Variants in PPP1R9A observed in about 807,000 individuals in gnomAD.
PPP1R9A encodes neurabin-1.
PPP1R9A carries 59 observed loss-of-function variants against 141.9 expected under a neutral mutation model. The observed-to-expected ratio is 0.42, with a 90% CI of 0.34 to 0.52. PPP1R9A has a LOEUF of 0.52. PPP1R9A is among the 20% of genes least tolerant of loss of function. PPP1R9A has a pLI of 0.10. For synonymous variants in PPP1R9A, 500 were observed against 569.7 expected (o/e 0.88, Z 1.74); for missense variants, 1,444 against 1,611.9 (o/e 0.90, Z 1.78).
intron 9 of PPP1R9A, among the ~76,000 whole-genome samples, chr7:95,249,680 C>T (rs777266893): frequency 1.7e-4 from 26 of 152,012 alleles, no homozygotes; most frequent in Non-Finnish European, 2.9e-4. Context: ...TTTTTAAAAA[C>T]TCTCAAAACA....
chr7:95,268,484 G>A (rs1801641980), intron 12 of PPP1R9A, 66 bp from the exon 13 acceptor site: 2 of 1,565,060 alleles, frequency 1.3e-6, no homozygotes, highest in Admixed American at 1.7e-5. Flanking sequence ...TTTTATCAGT[G>A]TCTGTGGTCT....
intron 19 of PPP1R9A, among the ~76,000 whole-genome samples, chr7:95,289,612 C>T (rs977794551): frequency 4.6e-5 from 7 of 152,190 alleles, no homozygotes; most frequent in South Asian, 2.1e-4. Flanking sequence ...CATGCTGACA[C>T]GAGCATTCTG....
chr7:95,246,039 T>C (rs1293624539), intron 8 of PPP1R9A, among the ~76,000 whole-genome samples: 1 of 152,116 alleles, frequency 6.6e-6, no homozygotes, highest in Non-Finnish European at 1.5e-5. Flanking sequence ...ACCTCATGCC[T>C]TTTGCATAAC....
intron 2 of PPP1R9A, among the ~76,000 whole-genome samples, chr7:94,923,661 A>G (rs1793115636): frequency 2.0e-5 from 3 of 152,188 alleles, no homozygotes; most frequent in Admixed American, 6.5e-5. Flanking sequence ...TGGTTAGACT[A>G]TATGGTAGTA....
chr7:95,166,302 G>A (rs1350600813), intron 5 of PPP1R9A, among the ~76,000 whole-genome samples: 2 of 152,084 alleles, frequency 1.3e-5, no homozygotes, highest in Admixed American at 6.6e-5. Flanking sequence ...TGTTGAAAGT[G>A]TCACTAGCTG....
At position 95,091,337 on chromosome 7, in the gene PPP1R9A, CTTTTTTTTT is replaced by C. The variant is rs555627706; in HGVS notation, c.1396-19906_1396-19898del. 6.4e-3 allele frequency among the ~76,000 whole-genome samples: 487 copies of C among 76,012 alleles called. 5 individuals are homozygous for C. Among genetic ancestry groups the C allele is most frequent in the South Asian group, 0.042 (96 of 2,294 alleles). The allele number at this position is 76,012 out of a possible 152,430, so 49.9% of individuals were successfully genotyped here. ...TCTGTCTCTTTGCCTTGTTTTAACT[CTTTTTTTTT>C]TTTTTTTTTTTTTTTGAGACAGAGT... On this transcript the variant is annotated intron_variant, in intron 2 of 19. Transcript: ENST00000433360.
chr7:94,970,730 G>A (rs888154083), intron 2 of PPP1R9A, among the ~76,000 whole-genome samples: 17 of 151,452 alleles, frequency 1.1e-4, no homozygotes, highest in Non-Finnish European at 1.8e-4. Flanking sequence ...CCGCCTCCTG[G>A]GTTCAAGCGA....
chr7:95,074,133 G>A (rs1814453423), intron 2 of PPP1R9A, among the ~76,000 whole-genome samples: 2 of 152,134 alleles, frequency 1.3e-5, no homozygotes, highest in African/African-American at 4.8e-5. Context: ...CAATACAAAT[G>A]TCTATCTCAT....
chr7:95,149,468 T>C (rs1407638735), intron 4 of PPP1R9A, among the ~76,000 whole-genome samples: 3 of 152,134 alleles, frequency 2.0e-5, no homozygotes, highest in Admixed American at 2.0e-4. Context: ...TGTCTATGTA[T>C]AACTGTTCAA....
chr7:95,251,703 A>G, intron 10 of PPP1R9A, 59 bp from the exon 11 acceptor site: 1 of 1,483,198 alleles, frequency 6.7e-7, no homozygotes, highest in Non-Finnish European at 9.2e-7. Context: ...ATTGTTTCAG[A>G]TAAGAACTTT....
intron 2 of PPP1R9A, among the ~76,000 whole-genome samples, chr7:95,037,523 C>T (rs183865653): frequency 6.6e-6 from 1 of 152,236 alleles, no homozygotes; most frequent in Admixed American, 6.5e-5. Context: ...AAATAATCAA[C>T]TTAGTACATC....
chr7:95,125,459 G>T (rs1823396259), intron 4 of PPP1R9A, among the ~76,000 whole-genome samples: 1 of 151,848 alleles, frequency 6.6e-6, no homozygotes, highest in South Asian at 2.1e-4. Context: ...AGTTTTTGTT[G>T]TCATAAATGT....
At chr7:94,948,699 T>G (rs1796143586) in intron 2 of PPP1R9A, among the ~76,000 whole-genome samples, 1 of 152,156 alleles carries the variant, frequency 6.6e-6, no homozygotes, top group Non-Finnish European at 1.5e-5. Context: ...AAATCCATCT[T>G]TTGCATCTTG....
At chr7:94,976,884 C>T (rs942435915) in intron 2 of PPP1R9A, among the ~76,000 whole-genome samples, 2 of 152,066 alleles carry the variant, frequency 1.3e-5, no homozygotes, top group African/African-American at 4.8e-5. Flanking sequence ...CAGACATGGT[C>T]CCTTCTTTAT....
At chr7:95,267,263 G>C (rs1367072466) in intron 12 of PPP1R9A, among the ~76,000 whole-genome samples, 1 of 152,058 alleles carries the variant, frequency 6.6e-6, no homozygotes, top group Admixed American at 6.6e-5. Context: ...GGAATTGCCT[G>C]AGCTAATAAT....
chr7:95,218,415 G>C (rs146172713), intron 7 of PPP1R9A, among the ~76,000 whole-genome samples: 2 of 152,144 alleles, frequency 1.3e-5, no homozygotes, highest in African/African-American at 4.8e-5. Flanking sequence ...GAATAAGTGC[G>C]ATGTGGTGCT....
At chr7:95,281,990 A>G (rs913467574) in intron 16 of PPP1R9A, among the ~76,000 whole-genome samples, 3 of 152,276 alleles carry the variant, frequency 2.0e-5, no homozygotes, top group Non-Finnish European at 4.4e-5. Context: ...GAAAATATTT[A>G]TATGTTTCTA....
At chr7:95,050,206 G>C (rs1810599380) in intron 2 of PPP1R9A, among the ~76,000 whole-genome samples, 1 of 152,242 alleles carries the variant, frequency 6.6e-6, no homozygotes. Flanking sequence ...GTATCATGTT[G>C]TTGTTTTAAT....
intron 2 of PPP1R9A, among the ~76,000 whole-genome samples, chr7:95,012,455 G>C (rs1197985571): frequency 6.6e-6 from 1 of 152,088 alleles, no homozygotes; most frequent in East Asian, 1.9e-4. Context: ...CCTCCAACAT[G>C]GGGGATTACA....
Sources: allele counts gnomAD v4.1 joint callset (sites outside exome capture counted in the v4.1 genomes callset), GRCh38; gene constraint gnomAD v4.1.1; transcripts MANE v1.5; gene names NCBI Gene and HGNC (gene_info 2026-07-23, HGNC 2026-07-21).